TNKS: variants seen among roughly 807,000 people sequenced by gnomAD.
The protein encoded by TNKS is tankyrase.
A neutral mutation model predicts 135.8 loss-of-function variants in TNKS; 72 were observed. The observed-to-expected ratio is 0.53, with a 90% confidence interval of 0.44 to 0.64. The LOEUF (loss-of-function observed/expected upper bound fraction) is 0.64, where lower values mean the gene tolerates loss of function less well. Among genes scored for constraint, TNKS ranks in the 30% least tolerant of loss-of-function variants. TNKS has a pLI of 0.00. For synonymous variants in TNKS, 849 were observed against 649.3 expected (o/e 1.31, Z -4.68); for missense variants, 1,769 against 1,674.0 (o/e 1.06, Z -0.99).
chr8:9,750,974 C>T (rs916137251), intron 18 of TNKS, among the ~76,000 whole-genome samples: 1 of 152,206 alleles, frequency 6.6e-6, no homozygotes, highest in African/African-American at 2.4e-5. Context: ...CACTGCCAAT[C>T]CACTTAAAGC....
intron 17 of TNKS, among the ~76,000 whole-genome samples, chr8:9,736,350 T>TAAC (rs1805704251): frequency 1.1e-5 from 1 of 87,470 alleles, no homozygotes; most frequent in African/African-American, 4.2e-5. Context: ...AGACCTCATC[T>TAAC]AAAAAAAAAA....
rs574319708 is a variant in TNKS at position 9,753,757 on chromosome 8, A to C, written c.3153+1131A>C. Reference sequence around the variant, plus strand: ...CCAGCCAAGGAAGATATCTTGTTACAATTTGGGACAGGTGTAATAGAATGC... The same window carrying C: ...CCAGCCAAGGAAGATATCTTGTTACCATTTGGGACAGGTGTAATAGAATGC... On this transcript the variant is annotated intron_variant, in intron 20 of 26. Transcript: ENST00000310430. Among the ~76,000 whole-genome samples, 119 of 152,306 alleles carry C rather than the reference A, an allele frequency of 7.8e-4. 1 individual carries two copies. The highest frequency in any genetic ancestry group is 2.7e-3 in the African/African-American group (114 of 41,560).
intron 1 of TNKS, among the ~76,000 whole-genome samples, chr8:9,559,455 A>C (rs1797236395): frequency 6.6e-6 from 1 of 152,020 alleles, no homozygotes; most frequent in Non-Finnish European, 1.5e-5. Flanking sequence ...TTTCTTTCCA[A>C]CTTTTAGGTT....
At chr8:9,660,798 T>A (rs577062748) in intron 3 of TNKS, among the ~76,000 whole-genome samples, 1 of 152,156 alleles carries the variant, frequency 6.6e-6, no homozygotes, top group Non-Finnish European at 1.5e-5. Context: ...AGTCAGATTG[T>A]CCCTGTTTGC....
chr8:9,772,805 GTGTTTGTGTGTGTGTGTGTGTGTGTC>G (rs1487930315), intron 26 of TNKS, among the ~76,000 whole-genome samples: 10 of 104,586 alleles, frequency 9.6e-5, no homozygotes, highest in Admixed American at 4.9e-4. Context: ...GTGTGTGTGT[GTGTTTGTGTGTGTGTGTGTGTGTGTC>G]TGTGTGTGTG....
At chr8:9,700,657 G>A (rs993807409) in intron 5 of TNKS, among the ~76,000 whole-genome samples, 1 of 151,190 alleles carries the variant, frequency 6.6e-6, no homozygotes, top group Non-Finnish European at 1.5e-5. Flanking sequence ...TTCCAACCTG[G>A]AAACTACTCT....
At chr8:9,772,802 T>G (rs975454990) in intron 26 of TNKS, among the ~76,000 whole-genome samples, 2 of 105,184 alleles carry the variant, frequency 1.9e-5, no homozygotes, top group African/African-American at 8.5e-5. Flanking sequence ...AATGTGTGTG[T>G]GTGTGTTTGT....
chr8:9,632,638 C>G (rs1036720772), intron 3 of TNKS, among the ~76,000 whole-genome samples: 1 of 152,176 alleles, frequency 6.6e-6, no homozygotes, highest in Non-Finnish European at 1.5e-5. Context: ...GCTGTCACCT[C>G]TTTTCTACAG....
intron 1 of TNKS, among the ~76,000 whole-genome samples, chr8:9,559,747 C>G (rs886742138): frequency 5.3e-5 from 8 of 152,068 alleles, no homozygotes; most frequent in African/African-American, 1.9e-4. Context: ...GGTATGAAAC[C>G]ATATTTAAAT....
intron 15 of TNKS, 51 bp downstream of exon 15, chr8:9,733,495 G>A (rs751941461): frequency 3.3e-6 from 5 of 1,501,064 alleles, no homozygotes; most frequent in East Asian, 4.9e-5. Context: ...TTATATTTTG[G>A]TTATTACTTG....
chr8:9,596,942 T>C (rs1239430803), intron 2 of TNKS, among the ~76,000 whole-genome samples: 1 of 152,250 alleles, frequency 6.6e-6, no homozygotes, highest in Non-Finnish European at 1.5e-5. Context: ...AGGGGAACTG[T>C]GATGGGCTTA....
At chr8:9,767,022 A>G (rs893793636) in intron 25 of TNKS, among the ~76,000 whole-genome samples, 9 of 152,208 alleles carry the variant, frequency 5.9e-5, no homozygotes, top group African/African-American at 2.2e-4. Context: ...TTCCTCTGTA[A>G]TCAGAATATG....
At chr8:9,557,589 A>G (rs1815379034) in intron 1 of TNKS, 1 of 152,170 alleles carries the variant, frequency 6.6e-6, no homozygotes, top group African/African-American at 2.4e-5. Context: ...GGAAATACAT[A>G]TATTGTACGT....
At chr8:9,751,543 C>A (rs1180439965) in intron 18 of TNKS, 66 bp from the exon 19 acceptor site, 7 of 1,416,892 alleles carry the variant, frequency 4.9e-6, no homozygotes, top group Non-Finnish European at 1.9e-6. Context: ...ATTTGGTTAT[C>A]AGTGAAAAAC....
chr8:9,663,475 C>G (rs560843857), intron 3 of TNKS, among the ~76,000 whole-genome samples: 86 of 152,300 alleles, frequency 5.6e-4, no homozygotes, highest in African/African-American at 2.0e-3. Flanking sequence ...TTTTTCCTAC[C>G]ATGAGCACTC....
chr8:9,606,035 C>A (rs534923749), intron 2 of TNKS, among the ~76,000 whole-genome samples: 3 of 151,344 alleles, frequency 2.0e-5, no homozygotes, highest in African/African-American at 7.3e-5. Context: ...GAAGATTTTT[C>A]TTTCATGTTT....
At chr8:9,616,368 T>A (rs1799645937) in intron 3 of TNKS, among the ~76,000 whole-genome samples, 1 of 152,130 alleles carries the variant, frequency 6.6e-6, no homozygotes, top group Admixed American at 6.5e-5. Flanking sequence ...CTGCATTGGA[T>A]CTATTTTTGT....
At chr8:9,699,302 A>G (rs928846134) in intron 5 of TNKS, among the ~76,000 whole-genome samples, 1 of 152,236 alleles carries the variant, frequency 6.6e-6, no homozygotes, top group Admixed American at 6.5e-5. Flanking sequence ...ATTTGGCACT[A>G]TGTGGTAACC....
At chr8:9,562,535 T>A (rs562365394) in intron 1 of TNKS, among the ~76,000 whole-genome samples, 32 of 152,290 alleles carry the variant, frequency 2.1e-4, no homozygotes, top group African/African-American at 7.7e-4. Flanking sequence ...TCATTCACTT[T>A]CAATCAATCT....
Sources: gnomAD v4.1 joint callset for allele counts (sites outside exome capture counted in the v4.1 genomes callset) on GRCh38, gnomAD v4.1.1 for gene constraint, MANE v1.5 for transcripts, NCBI Gene and HGNC (gene_info 2026-07-23, HGNC 2026-07-21) for gene names.